TMPRSS9: variants seen among roughly 807,000 people sequenced by gnomAD.
TMPRSS9 encodes the protein transmembrane protease serine 9.
A neutral mutation model predicts 111.4 loss-of-function variants in TMPRSS9; 113 were observed. That is an observed-to-expected ratio of 1.01 (90% confidence interval 0.87 to 1.19). TMPRSS9 has a LOEUF of 1.19. TMPRSS9 is among the 50% of genes most tolerant of loss of function. The pLI, the probability that TMPRSS9 is intolerant of heterozygous loss-of-function variation, is 0.00. For synonymous variants in TMPRSS9, 805 were observed against 659.1 expected, an observed-to-expected ratio of 1.22 and a Z score of -3.39; for missense variants, 1,803 against 1,513.1, an observed-to-expected ratio of 1.19 and a Z score of -3.18.
Position 2,367,334 on chromosome 19 carries a change from A to G in TMPRSS9, c.-26+6974A>G, listed in dbSNP as rs377371566. 1.1e-4 allele frequency among the ~76,000 whole-genome samples: 16 copies of G among 152,320 alleles called. 1 individual carries two copies. The East Asian group carries it at 2.9e-3, about 28-fold the overall frequency. ...ACCAGTCTCATAGGAGAAATGTGGC[A>G]ATAAATGAGATGATGACTGTAAATA... On this transcript the variant is annotated intron_variant, in intron 1 of 17. Transcript: ENST00000649857.
At chr19:2,383,763 C>A (rs1970416716) in intron 1 of TMPRSS9, among the ~76,000 whole-genome samples, 1 of 150,098 alleles carries the variant, frequency 6.7e-6, no homozygotes, top group Non-Finnish European at 1.5e-5. Flanking sequence ...ATGATCACAC[C>A]ACTGCACTCC....
chr19:2,415,019 C>A (rs1384665613), intron 10 of TMPRSS9, among the ~76,000 whole-genome samples: 3 of 141,446 alleles, frequency 2.1e-5, no homozygotes, highest in Admixed American at 2.1e-4. Flanking sequence ...GATCTCGGCT[C>A]ACTGCAACCT....
intron 10 of TMPRSS9, chr19:2,414,338 C>G (rs75102109): frequency 0.075 from 14,832 of 197,578 alleles, 884 homozygotes; most frequent in East Asian, 0.28. Flanking sequence ...CTCCCAGGTT[C>G]AAGTGATTCT....
At position 2,374,398 on chromosome 19, in the gene TMPRSS9, C is replaced by CT. The variant is rs1568169165; in HGVS notation, c.-26+14038_-26+14039insT. On this transcript the variant is annotated intron_variant, in intron 1 of 17. Transcript: ENST00000649857. ...GACCACCCTGACCAATATGGTGAAA[C>CT]CCCGTCTCTACTAAAAAATACAAAA... Among the ~76,000 whole-genome samples, 3 of 129,192 alleles carry CT rather than the reference C, an allele frequency of 2.3e-5. No individual in the cohort carries two copies. The East Asian group carries it at 9.3e-4, about 40-fold the overall frequency. 84.8% of individuals were successfully genotyped at this position (129,192 alleles called of 152,430 possible). A position where few individuals can be genotyped will look rare whatever the true frequency, so the allele number is the denominator to read the frequency against.
At chr19:2,413,636 C>G (rs564375739) in intron 9 of TMPRSS9, 64 bp from the exon 11 acceptor site, 4 of 1,527,932 alleles carry the variant, frequency 2.6e-6, no homozygotes, top group South Asian at 1.2e-5. Flanking sequence ...TCTTGGGCCT[C>G]GTAGCACTGG....
At chr19:2,363,119 C>T (rs1970215291) in intron 1 of TMPRSS9, among the ~76,000 whole-genome samples, 1 of 152,208 alleles carries the variant, frequency 6.6e-6, no homozygotes, top group African/African-American at 2.4e-5. Context: ...TCCGTGTGTG[C>T]CCCGCTGCCC....
chr19:2,414,137 G>A (rs1971166475), intron 10 of TMPRSS9, 119 bp downstream of exon 11: 2 of 1,087,358 alleles, frequency 1.8e-6, no homozygotes, highest in Admixed American at 5.7e-5. Flanking sequence ...AAGGTCACAT[G>A]TGTATCCGTT....
intron 13 of TMPRSS9, 149 bp from the exon 15 acceptor site, chr19:2,421,705 G>C (rs997888603): frequency 8.4e-6 from 6 of 711,090 alleles, no homozygotes; most frequent in Non-Finnish European, 1.4e-5. Context: ...CCAGGCATGG[G>C]GCTGCAGTCA....
chr19:2,415,016 G>C (rs1971194439), intron 10 of TMPRSS9, among the ~76,000 whole-genome samples: 1 of 146,106 alleles, frequency 6.8e-6, no homozygotes, highest in Non-Finnish European at 1.5e-5. Context: ...TGTGATCTCG[G>C]CTCACTGCAA....
intron 7 of TMPRSS9, among the ~76,000 whole-genome samples, chr19:2,407,432 C>G (rs1359028485): frequency 6.6e-6 from 1 of 151,486 alleles, no homozygotes; most frequent in Non-Finnish European, 1.5e-5. Flanking sequence ...GAGGCTGAGG[C>G]ACGAGGATCA....
At position 2,390,051 on chromosome 19, in the gene TMPRSS9, G is replaced by T. The variant is rs922355113; in HGVS notation, c.142+124G>T. The T allele has an allele frequency of 7.1e-5, 94 of 1,316,700 alleles. No individual in the cohort carries two copies. The East Asian group carries it at 2.1e-3, about 30-fold the overall frequency. 81.6% of individuals were successfully genotyped at this position (1,316,700 alleles called of 1,614,324 possible). On this transcript the variant is annotated intron_variant, in intron 1 of 17. Transcript: ENST00000648592. ...AAGGGCAGTGTCTAGGCGTGGAGAT[G>T]AAGGCTGCCCTAGGCCAGGCGGGTG... is the stretch of plus-strand genomic sequence containing the variant.
In TMPRSS9 at chr19:2,368,879, G is replaced by GT. The variant is rs1970268491; in HGVS notation, c.-26+8519_-26+8520insT. On this transcript the variant is annotated intron_variant, in intron 1 of 17. Transcript: ENST00000649857. ...AGCTCACTGCAACCTCCGCCTCCTG[G>GT]GCTCAAGCAATTCTCCTGCCTCAGC... Among the ~76,000 whole-genome samples, 5 of 146,026 alleles carry GT rather than the reference G, an allele frequency of 3.4e-5. No individual in the cohort carries two copies. The South Asian group carries it at 1.1e-3, about 31-fold the overall frequency.
chr19:2,379,730 T>TTC (rs773251268), intron 1 of TMPRSS9, among the ~76,000 whole-genome samples: 86 of 145,534 alleles, frequency 5.9e-4, no homozygotes, highest in South Asian at 1.8e-3. Flanking sequence ...CTTTTTCTCT[T>TTC]TCTCTCTCTC....
rs5826765 is a variant in TMPRSS9 at position 2,407,612 on chromosome 19, T to TC, written c.843-744_843-743insC. On this transcript the variant is annotated intron_variant, in intron 7 of 17. Transcript: ENST00000648592. ...GTGATTTTTTTCTTTTCTTTTCTTT[T>TC]TTTTTTTTTTTTTTTTTGAGACAGG... is the stretch of plus-strand genomic sequence containing the variant. Among the ~76,000 whole-genome samples, 74 of 117,232 alleles carry TC rather than the reference T, an allele frequency of 6.3e-4. 1 individual carries two copies. The highest frequency in any genetic ancestry group is 1.1e-3 in the African/African-American group (34 of 31,646). The allele number at this position is 117,232 out of a possible 152,430, so 76.9% of individuals were successfully genotyped here. A position where few individuals can be genotyped will look rare whatever the true frequency, so the allele number is the denominator to read the frequency against.
intron 1 of TMPRSS9, among the ~76,000 whole-genome samples, chr19:2,383,649 T>A: frequency 6.8e-6 from 1 of 147,254 alleles, no homozygotes; most frequent in Non-Finnish European, 1.5e-5. Flanking sequence ...ACAAAGAAAT[T>A]TTTTAACTTA....
intron 1 of TMPRSS9, among the ~76,000 whole-genome samples, chr19:2,373,279 G>A (rs1001207620): frequency 3.3e-5 from 5 of 152,056 alleles, no homozygotes; most frequent in Non-Finnish European, 7.4e-5. Flanking sequence ...CGCCCAGGCC[G>A]GAGTGCAATG....
At chr19:2,407,423 A>G (rs1166072402) in intron 7 of TMPRSS9, among the ~76,000 whole-genome samples, 1 of 151,616 alleles carries the variant, frequency 6.6e-6, no homozygotes, top group African/African-American at 2.4e-5. Context: ...GTTACTTGGG[A>G]GGCTGAGGCA....
intron 1 of TMPRSS9, among the ~76,000 whole-genome samples, chr19:2,365,564 C>T (rs946999751): frequency 1.3e-5 from 2 of 151,188 alleles, no homozygotes; most frequent in Admixed American, 6.6e-5. Context: ...ATGGGATGGA[C>T]GTGTCCGAAA....
chr19:2,410,706 G>C (rs12609234), intron 9 of TMPRSS9, among the ~76,000 whole-genome samples: 14,060 of 152,012 alleles, frequency 0.092, 949 homozygotes, highest in East Asian at 0.26. Context: ...TGGGCCCCAG[G>C]TGCGTGCCAC....
Sources: allele counts gnomAD v4.1 joint callset (sites outside exome capture counted in the v4.1 genomes callset), GRCh38; gene constraint gnomAD v4.1.1; transcripts MANE v1.5; gene names NCBI Gene and HGNC (gene_info 2026-07-23, HGNC 2026-07-21).